The following DCHS2 variants were observed in gnomAD, a reference collection of about 807,000 sequenced individuals.
DCHS2 encodes protocadherin-23.
Under a neutral mutation model 182.4 loss-of-function variants are expected in DCHS2, and 142 were observed. The ratio of observed to expected loss-of-function variants is 0.78; its 90% CI spans 0.68 to 0.89. The LOEUF is 0.89. DCHS2 is among the 40% of genes least tolerant of loss of function. The pLI is 0.00. For missense variants in DCHS2, 4,319 were observed against 4,198.6 expected (o/e 1.03, Z -0.79); for synonymous variants, 1,740 against 1,663.3 (o/e 1.05, Z -1.12).
chr4:154,419,181 G>A (rs898450231), intron 1 of DCHS2, among the ~76,000 whole-genome samples: 2 of 152,196 alleles, frequency 1.3e-5, no homozygotes, highest in Non-Finnish European at 2.9e-5. Context: ...AGTTTACTTA[G>A]TAGTTGTATT....
At chr4:154,430,876 G>C (rs564872678) in intron 1 of DCHS2, among the ~76,000 whole-genome samples, 14 of 152,256 alleles carry the variant, frequency 9.2e-5, no homozygotes, top group Non-Finnish European at 2.9e-5. Context: ...TAAATCAAGT[G>C]TCCACACGTG....
chr4:154,258,217 T>C (rs1253684680), intron 15 of DCHS2, among the ~76,000 whole-genome samples: 1 of 152,108 alleles, frequency 6.6e-6, no homozygotes, highest in Non-Finnish European at 1.5e-5. Flanking sequence ...AAAATACACC[T>C]GCAGTCATAG....
chr4:154,301,354 A>C (rs894404715), intron 12 of DCHS2, among the ~76,000 whole-genome samples: 42 of 152,366 alleles, frequency 2.8e-4, no homozygotes, highest in African/African-American at 9.9e-4. Flanking sequence ...CAGAAGGCAT[A>C]CAAGTACTAA....
At chr4:154,386,344 C>A (rs751026660) in intron 1 of DCHS2, among the ~76,000 whole-genome samples, 1 of 152,104 alleles carries the variant, frequency 6.6e-6, no homozygotes, top group South Asian at 2.1e-4. Flanking sequence ...CACCTTAGGG[C>A]CTTGTACTTG....
chr4:154,417,378 C>T (rs1732912182), intron 1 of DCHS2, among the ~76,000 whole-genome samples: 1 of 152,130 alleles, frequency 6.6e-6, no homozygotes, highest in South Asian at 2.1e-4. Context: ...TGGCCAAATT[C>T]AAGAACTATT....
At chr4:154,354,342 A>C (rs1215412723) in intron 3 of DCHS2, among the ~76,000 whole-genome samples, 1 of 152,212 alleles carries the variant, frequency 6.6e-6, no homozygotes, top group East Asian at 1.9e-4. Flanking sequence ...TCTAAATTAC[A>C]GTTCTGTACT....
At chr4:154,345,932 C>A (rs1729339073) in intron 3 of DCHS2, among the ~76,000 whole-genome samples, 1 of 152,222 alleles carries the variant, frequency 6.6e-6, no homozygotes, top group Non-Finnish European at 1.5e-5. Flanking sequence ...GCTCACACTT[C>A]TGGAGGCTGG....
rs1731571701 is a variant in DCHS2 at position 154,237,172 on chromosome 4, A to ACAT, written c.7493-16_7493-14dup. On this transcript the variant is annotated splice_polypyrimidine_tract_variant and intron_variant, in intron 19 of 19. Coordinates refer to ENST00000357232, the MANE Select transcript of DCHS2 (RefSeq NM_001358235.2). ...GTAAATATTGTGCCTGAAAAATAAG[A>ACAT]CATAGTATTTCAACACTGTGAGGTG... is the stretch of plus-strand genomic sequence containing the variant. The ACAT allele has an allele frequency of 6.3e-7, 1 of 1,595,114 alleles. No individual in the cohort carries two copies. The highest frequency in any genetic ancestry group is 1.7e-5 in the Admixed American group (1 of 58,556).
At chr4:154,332,051 T>C (rs1213003129) in intron 5 of DCHS2, among the ~76,000 whole-genome samples, 3 of 152,226 alleles carry the variant, frequency 2.0e-5, no homozygotes, top group Non-Finnish European at 4.4e-5. Context: ...ACATTGATGA[T>C]ATTTATATTT....
chr4:154,311,042 CT>C (rs35158419), intron 10 of DCHS2, among the ~76,000 whole-genome samples: 45,281 of 151,966 alleles, frequency 0.3, 8,207 homozygotes, highest in Non-Finnish European at 0.41. Flanking sequence ...CTATCTGGTC[CT>C]TTAAAGGAAA....
Position 154,298,212 on chromosome 4 carries a change from A to T in DCHS2, c.6102T>A (p.Asn2034Lys). 1 of 1,614,134 alleles carries T rather than the reference A, an allele frequency of 6.2e-7. No homozygotes were observed. Residue 2034 changes from asparagine (N) to lysine (K), a missense_variant, in exon 13 of 20, where the codon AAT (asparagine) becomes AAA (lysine). Transcript: ENST00000357232. ...IKVYVTDVND[N>K]DPVLEQNPFD... ...AAGGGTTCTGTTCCAAAACTGGATC[A>T]TTGTCATTAACATCAGTGACATATA...
rs776891045 is a variant in DCHS2 at position 154,322,351 on chromosome 4, G to C, written c.4156C>G (p.Gln1386Glu). The change falls in exon 8 of 20, where the codon CAG becomes GAG. Residue 1386 changes from glutamine to glutamate, a missense_variant. Gln to Glu is a conservative substitution (Grantham distance 29). Coordinates refer to ENST00000357232, the MANE Select transcript of DCHS2 (RefSeq NM_001358235.2). Reference sequence around the variant, plus strand: ...ATTACCTGAATATTAACAACTGCCTGTCCTTGAAGAGGAGGCACTCCCTGG... The same window carrying C: ...ATTACCTGAATATTAACAACTGCCTCTCCTTGAAGAGGAGGCACTCCCTGG... The part of the protein sequence containing the change: ...TDQGVPPLQG[Q>E]AVVNIQVIPL... The C allele has an allele frequency of 1.9e-6, 3 of 1,613,596 alleles. No homozygotes were observed. The highest frequency in any genetic ancestry group is 2.2e-5 in the South Asian group (2 of 91,056).
intron 5 of DCHS2, among the ~76,000 whole-genome samples, chr4:154,331,122 G>T (rs2111358729): frequency 6.6e-6 from 1 of 152,246 alleles, no homozygotes; most frequent in Non-Finnish European, 1.5e-5. Flanking sequence ...ACCCTGCCTT[G>T]CCATGCTGTC....
chr4:154,318,344 A>T (rs983221637), intron 9 of DCHS2, among the ~76,000 whole-genome samples: 9 of 152,062 alleles, frequency 5.9e-5, no homozygotes, highest in Non-Finnish European at 1.2e-4. Context: ...AGAAAAAGTT[A>T]AATATAAGCA....
intron 3 of DCHS2, among the ~76,000 whole-genome samples, chr4:154,347,068 T>C (rs1256608717): frequency 6.6e-6 from 1 of 151,090 alleles, no homozygotes; most frequent in African/African-American, 2.5e-5. Context: ...AAAATACGAG[T>C]CTCCCTCCTG....
Position 154,236,766 on chromosome 4 carries a change from G to T in DCHS2, c.7886C>A (p.Ala2629Asp). Residue 2629 changes from alanine (A) to aspartate (D), a missense_variant, in exon 20 of 20, where the codon GCT (alanine) becomes GAT (aspartate). Physicochemically the swap from Ala to Asp is moderately radical, Grantham distance 126. Transcript: ENST00000357232. The part of the protein sequence containing the change: ...LLHSLDREAS[A>D]SHELVILASD... ...TGCCAGAATGACAAGCTCATGGCTA[G>T]CACTTGCTTCTCTGTCCAGACTGTG... 6.2e-7 allele frequency: 1 copy of T among 1,614,000 alleles called. No homozygotes were observed. The highest frequency in any genetic ancestry group is 8.5e-7 in the Non-Finnish European group (1 of 1,179,968).
At chr4:154,388,467 T>C (rs547194522) in intron 1 of DCHS2, among the ~76,000 whole-genome samples, 1 of 151,766 alleles carries the variant, frequency 6.6e-6, no homozygotes, top group East Asian at 1.9e-4. Context: ...CATTCATTTC[T>C]TTCCCAAATT....
chr4:154,428,478 G>A (rs1027704376), intron 1 of DCHS2, among the ~76,000 whole-genome samples: 1 of 152,112 alleles, frequency 6.6e-6, no homozygotes, highest in African/African-American at 2.4e-5. Context: ...GTTCGAGGCT[G>A]CAGTGAGCTA....
intron 16 of DCHS2, among the ~76,000 whole-genome samples, chr4:154,243,465 C>A (rs1731933867): frequency 1.3e-5 from 2 of 152,172 alleles, no homozygotes; most frequent in South Asian, 4.1e-4. Context: ...CTTTCTCTCA[C>A]CACCCTTCCA....
Sources: gnomAD v4.1 joint callset for allele counts (sites outside exome capture counted in the v4.1 genomes callset) on GRCh38, gnomAD v4.1.1 for gene constraint, MANE v1.5 for transcripts, NCBI Gene and HGNC (gene_info 2026-07-23, HGNC 2026-07-21) for gene names.